The following SNX29 variants were observed in gnomAD, a reference collection of about 807,000 sequenced individuals.
SNX29 encodes sorting nexin 29.
SNX29 carries 78 observed loss-of-function variants against 102.1 expected under a neutral mutation model. The observed-to-expected ratio is 0.76, with a 90% CI of 0.64 to 0.92. The LOEUF is 0.92. Among genes scored for constraint, SNX29 ranks in the 40% least tolerant of loss-of-function variants. SNX29 has a pLI of 0.00. For missense variants in SNX29, 1,280 were observed against 1,061.7 expected (o/e 1.21, Z -2.86); for synonymous variants, 580 against 414.5 (o/e 1.40, Z -4.85).
chr16:12,471,603 C>T (rs1333466364), intron 18 of SNX29, among the ~76,000 whole-genome samples: 1 of 152,244 alleles, frequency 6.6e-6, no homozygotes, highest in Non-Finnish European at 1.5e-5. Context: ...TTGGCACTAC[C>T]TCCTGCCCCA....
intron 13 of SNX29, among the ~76,000 whole-genome samples, chr16:12,161,374 A>G (rs917797504): frequency 4.6e-5 from 7 of 152,148 alleles, no homozygotes; most frequent in African/African-American, 1.7e-4. Flanking sequence ...CCATGTGGTC[A>G]CTGGGAAGCT....
In SNX29 at chr16:12,572,810, G is replaced by C. The variant is rs773131569; in HGVS notation, c.*4181G>C. On this transcript the variant is annotated 3_prime_UTR_variant, in exon 21 of 21. Transcript: ENST00000566228. ...CCTCCTTCCCCAGTACATCAGACTG[G>C]TTAGGAGGCATCCCAGAAGGGGCAG... is the stretch of plus-strand genomic sequence containing the variant. 1.3e-4 allele frequency: 134 copies of C among 1,063,782 alleles called. No homozygotes were observed. Among genetic ancestry groups the C allele is most frequent in the Non-Finnish European group, 1.5e-4 (131 of 878,368 alleles). The allele number at this position is 1,063,782 out of a possible 1,614,324, so 65.9% of individuals were successfully genotyped here.
intron 19 of SNX29, among the ~76,000 whole-genome samples, chr16:12,514,428 G>A (rs535581164): frequency 2.0e-3 from 306 of 152,270 alleles, no homozygotes; most frequent in African/African-American, 6.3e-3. Context: ...TCCCACTGTC[G>A]TAGAGCAGAG....
At chr16:12,546,821 A>T (rs919638234) in intron 20 of SNX29, 4 of 152,268 alleles carry the variant, frequency 2.6e-5, no homozygotes, top group African/African-American at 7.2e-5. Context: ...CTTTCAAAAT[A>T]TATGAAAATA....
intron 16 of SNX29, among the ~76,000 whole-genome samples, chr16:12,395,885 C>A (rs1385018518): frequency 6.6e-6 from 1 of 152,228 alleles, no homozygotes; most frequent in African/African-American, 2.4e-5. Flanking sequence ...CAAGAAAAGA[C>A]AAAATTTGAT....
At chr16:12,153,328 T>C (rs191018266) in intron 13 of SNX29, among the ~76,000 whole-genome samples, 2 of 152,168 alleles carry the variant, frequency 1.3e-5, no homozygotes, top group Admixed American at 1.3e-4. Context: ...TTCCAAAATA[T>C]CGTCTAATTC....
intron 11 of SNX29, among the ~76,000 whole-genome samples, chr16:12,115,334 C>G (rs1050154005): frequency 1.3e-5 from 2 of 152,112 alleles, no homozygotes; most frequent in Non-Finnish European, 2.9e-5. Flanking sequence ...GGTTTATAGA[C>G]TCATGCAGCT....
intron 13 of SNX29, among the ~76,000 whole-genome samples, chr16:12,158,307 C>T (rs144893823): frequency 2.0e-5 from 3 of 152,238 alleles, no homozygotes; most frequent in African/African-American, 7.2e-5. Context: ...TCAAGTAATT[C>T]TCCTGCCTCA....
intron 3 of SNX29, among the ~76,000 whole-genome samples, chr16:12,017,479 T>C (rs2056885561): frequency 6.6e-6 from 1 of 152,252 alleles, no homozygotes; most frequent in African/African-American, 2.4e-5. Context: ...TAATATTTTC[T>C]CATCTGTCAC....
At chr16:12,492,181 G>T (rs543916162) in intron 19 of SNX29, among the ~76,000 whole-genome samples, 127 of 152,206 alleles carry the variant, frequency 8.3e-4, no homozygotes, top group East Asian at 4.3e-3. Flanking sequence ...CCACATCCTC[G>T]CCAGCACCTG....
rs374235510 is a variant in SNX29, at chr16:12,247,957, G to A, written c.1679-29976G>A. Among the ~76,000 whole-genome samples, 14 of 152,242 alleles carry A rather than the reference G, an allele frequency of 9.2e-5. No homozygotes were observed. The East Asian group carries it at 2.5e-3, about 27-fold the overall frequency. On this transcript the variant is annotated intron_variant, in intron 14 of 20. Coordinates refer to ENST00000566228, the MANE Select transcript of SNX29 (RefSeq NM_032167.5). Reference sequence around the variant, plus strand: ...ACTGTGTAGAATTACCATGGAACAAGGGCAGGGCTGACCCCTCTTCCCCTC... The same window carrying A: ...ACTGTGTAGAATTACCATGGAACAAAGGCAGGGCTGACCCCTCTTCCCCTC...
rs552133118 is a variant in SNX29, at chr16:12,218,329, A to G, written c.1678+18646A>G. Among the ~76,000 whole-genome samples, 4 of 152,344 alleles carry G rather than the reference A, an allele frequency of 2.6e-5. No homozygotes were observed. The South Asian group carries it at 8.3e-4, about 32-fold the overall frequency. On this transcript the variant is annotated intron_variant, in intron 14 of 20. Coordinates refer to ENST00000566228, the MANE Select transcript of SNX29 (RefSeq NM_032167.5). ...GGTAATCACACAAATCTACTCCACA[A>G]ACAAACGTATATCTATTCTTCCTAT...
At chr16:12,541,218 G>A (rs373113379) in intron 20 of SNX29, among the ~76,000 whole-genome samples, 17 of 152,146 alleles carry the variant, frequency 1.1e-4, no homozygotes, top group African/African-American at 3.1e-4. Context: ...ATTGGTGCAT[G>A]GAGAGAAGGA....
chr16:11,981,639 G>A (rs2055417352), intron 1 of SNX29, among the ~76,000 whole-genome samples: 1 of 152,042 alleles, frequency 6.6e-6, no homozygotes, highest in South Asian at 2.1e-4. Context: ...TTTTTGAGTT[G>A]AAAATATTTG....
At chr16:12,018,797 A>G (rs1348073620) in intron 3 of SNX29, among the ~76,000 whole-genome samples, 2 of 145,146 alleles carry the variant, frequency 1.4e-5, no homozygotes, top group Admixed American at 1.4e-4. Context: ...GATATTGCCC[A>G]TGCAGGTCTC....
intron 8 of SNX29, among the ~76,000 whole-genome samples, chr16:12,057,045 C>T (rs1224604499): frequency 6.6e-6 from 1 of 152,106 alleles, no homozygotes; most frequent in Non-Finnish European, 1.5e-5. Context: ...ATTTCCTGGC[C>T]TGAAGTGATC....
chr16:12,564,079 T>C (rs2078883919), intron 20 of SNX29, among the ~76,000 whole-genome samples: 1 of 151,990 alleles, frequency 6.6e-6, no homozygotes, highest in South Asian at 2.1e-4. Context: ...ATTTTGGGAG[T>C]TTGTAATATC....
chr16:12,076,860 A>G (rs1465233391), intron 10 of SNX29, among the ~76,000 whole-genome samples: 1 of 152,204 alleles, frequency 6.6e-6, no homozygotes, highest in Non-Finnish European at 1.5e-5. Flanking sequence ...GGAACAGTCA[A>G]GGGTTCTGCT....
At chr16:12,422,417 G>C (rs2084908713) in intron 18 of SNX29, among the ~76,000 whole-genome samples, 1 of 152,190 alleles carries the variant, frequency 6.6e-6, no homozygotes, top group Non-Finnish European at 1.5e-5. Flanking sequence ...AATTAGGCGG[G>C]GTGGGGCAGA....
Sources: gnomAD v4.1 joint callset for allele counts (sites outside exome capture counted in the v4.1 genomes callset) on GRCh38, gnomAD v4.1.1 for gene constraint, MANE v1.5 for transcripts, NCBI Gene and HGNC (gene_info 2026-07-23, HGNC 2026-07-21) for gene names.